The following ITGAX variants were observed in gnomAD, a reference collection of about 807,000 sequenced individuals.
ITGAX encodes integrin alpha-X.
Under a neutral mutation model 140.2 loss-of-function variants are expected in ITGAX, and 99 were observed. The ratio of observed to expected loss-of-function variants is 0.71; its 90% CI spans 0.60 to 0.83. The LOEUF is 0.83. Ranked by LOEUF, ITGAX falls within the 40% of genes least tolerant of loss-of-function variation. The pLI is 0.00. For missense variants in ITGAX, 1,444 were observed against 1,482.0 expected, an observed-to-expected ratio of 0.97 and a Z score of 0.42; for synonymous variants, 631 against 600.4, an observed-to-expected ratio of 1.05 and a Z score of -0.75.
rs762282693 is a variant in ITGAX, at chr16:31,359,680, G to A, written c.431-20G>A. On this transcript the variant is annotated intron_variant, in intron 5 of 29. Transcript: ENST00000268296. ...CTCCAGGAGTGTCACTTGGAGGACC[G>A]GTGCCACCTCCTTCCCCAGAGTGCC... The A allele has an allele frequency of 8.1e-6, 13 of 1,612,502 alleles. No individual in the cohort carries two copies. The African/African-American group carries it at 1.3e-4, about 17-fold the overall frequency.
chr16:31,360,053 T>G lies in ITGAX; in HGVS notation c.695T>G (p.Ile232Ser). The change falls in exon 7 of 30, where the codon ATC becomes AGC. Residue 232 changes from isoleucine to serine, a missense_variant. Transcript: ENST00000268296. The stretch of plus-strand genomic sequence containing the variant: ...GGGTTTACATACACGGCCACCGCCA[T>G]CCAAAATGTCGTGTGAGTCCTGATT... ...LQGFTYTATA[I>S]QNVVHRLFHA... 1 of 1,610,714 alleles carries G rather than the reference T, an allele frequency of 6.2e-7. No homozygotes were observed. The highest frequency in any genetic ancestry group is 1.1e-5 in the South Asian group (1 of 91,078).
At chr16:31,359,893 AG>A in intron 6 of ITGAX, 26 bp from the exon 7 acceptor site, 1 of 1,613,766 alleles carries the variant, frequency 6.2e-7, no homozygotes, top group East Asian at 2.2e-5. Flanking sequence ...AAATGGCCTC[AG>A]CCCCAGCCCT....
At chr16:31,381,709 A>T in intron 29 of ITGAX, 94 bp from the exon 30 acceptor site, 1 of 785,594 alleles carries the variant, frequency 1.3e-6, no homozygotes, top group East Asian at 2.5e-5. Flanking sequence ...CCTAGCAAGG[A>T]TTTCAGAAAT....
At chr16:31,366,485 T>A (rs531155519) in intron 14 of ITGAX, among the ~76,000 whole-genome samples, 47 of 152,316 alleles carry the variant, frequency 3.1e-4, no homozygotes, top group African/African-American at 1.1e-3. Flanking sequence ...TCTTTAAGTG[T>A]TCAACTGAAA....
At position 31,357,393 on chromosome 16, in the gene ITGAX, G is replaced by A. The variant is rs750617140; in HGVS notation, c.430+29G>A. 3 of 1,465,986 alleles carry A rather than the reference G, an allele frequency of 2.0e-6. No individual in the cohort carries two copies. In the South Asian group the frequency reaches 3.6e-5, roughly 18 times the overall value. 90.8% of individuals were successfully genotyped at this position (1,465,986 alleles called of 1,614,324 possible). On this transcript the variant is annotated intron_variant, in intron 5 of 29. Transcript: ENST00000268296. The stretch of plus-strand genomic sequence containing the variant: ...AGTGTCGGGACCACCAAGGCTTTGA[G>A]GAGCTCACGCACATCCAATTGGGGG...
chr16:31,355,986 A>G lies in ITGAX; in HGVS notation c.131A>G (p.Tyr44Cys), dbSNP rs201047975. ...SAGFGDSVVQ[Y>C]ANSWVVVGAP... ...GGGTTTGGAGACAGCGTGGTCCAGT[A>G]TGCCAACTCCTGGTGAGGCCCAGGT... Residue 44 changes from tyrosine (Y) to cysteine (C), a missense_variant, in exon 2 of 30, where the codon TAT becomes TGT. Physicochemically the swap from Tyr to Cys is radical, Grantham distance 194. Coordinates refer to ENST00000268296, the MANE Select transcript of ITGAX (RefSeq NM_000887.5). The G allele has an allele frequency of 1.1e-4, 171 of 1,612,372 alleles. No individual in the cohort carries two copies. Among genetic ancestry groups the G allele is most frequent in the Non-Finnish European group, 1.3e-4 (152 of 1,178,856 alleles).
intron 28 of ITGAX, 97 bp from the exon 29 acceptor site, chr16:31,380,800 G>C: frequency 1.6e-6 from 2 of 1,286,120 alleles, no homozygotes; most frequent in Non-Finnish European, 2.2e-6. Context: ...AGCAGGGCCT[G>C]GGGAAGGAGG....
rs138486533 is a variant in ITGAX, at chr16:31,355,983, A to T, written c.128A>T (p.Gln43Leu). ...GCTGGGTTTGGAGACAGCGTGGTCCAGTATGCCAACTCCTGGTGAGGCCCA... is the reference window on the plus strand; with the variant it reads ...GCTGGGTTTGGAGACAGCGTGGTCCTGTATGCCAACTCCTGGTGAGGCCCA... ...DSAGFGDSVV[Q>L]YANSWVVVGA... Residue 43 changes from glutamine (Q) to leucine (L), a missense_variant, in exon 2 of 30, where the codon CAG becomes CTG. Coordinates refer to ENST00000268296, the MANE Select transcript of ITGAX (RefSeq NM_000887.5). 6 of 1,612,550 alleles carry T rather than the reference A, an allele frequency of 3.7e-6. No individual in the cohort carries two copies. The African/African-American group carries it at 8.0e-5, about 22-fold the overall frequency.
intron 5 of ITGAX, chr16:31,357,952 G>C (rs1236353097): frequency 6.0e-6 from 1 of 166,950 alleles, no homozygotes; most frequent in Non-Finnish European, 1.3e-5. Flanking sequence ...CTTCCCTGGT[G>C]CTGATGGGGA....
At position 31,357,847 on chromosome 16, in the gene ITGAX, A is replaced by G. The variant is rs2080780399; in HGVS notation, c.430+483A>G. ...TGTGTACATGTGTGTATATGTATGC[A>G]TGTGTATACATGTGCACATGCACAC... On this transcript the variant is annotated intron_variant, in intron 5 of 29. Transcript: ENST00000268296. The G allele has an allele frequency of 1.5e-5, 5 of 332,866 alleles. No individual in the cohort carries two copies. In the South Asian group the frequency reaches 4.4e-4, roughly 29 times the overall value. 20.6% of individuals were successfully genotyped at this position (332,866 alleles called of 1,614,324 possible).
At chr16:31,359,657 C>T in intron 5 of ITGAX, 43 bp from the exon 6 acceptor site, 1 of 1,608,422 alleles carries the variant, frequency 6.2e-7, no homozygotes, top group Non-Finnish European at 8.5e-7. Flanking sequence ...GTCCTGGACT[C>T]CAGGAGTGTC....
At chr16:31,367,935 A>T (rs182133480) in intron 14 of ITGAX, among the ~76,000 whole-genome samples, 1 of 152,316 alleles carries the variant, frequency 6.6e-6, no homozygotes, top group East Asian at 1.9e-4. Flanking sequence ...GATTCATCAG[A>T]GGGGGTCAAA....
chr16:31,361,693 C>A, intron 9 of ITGAX, 143 bp from the exon 10 acceptor site: 1 of 944,118 alleles, frequency 1.1e-6, no homozygotes, highest in Non-Finnish European at 1.7e-6. Context: ...CGGAGCTGAT[C>A]TGGAGGGCAG....
At position 31,376,907 on chromosome 16, in the gene ITGAX, G is replaced by A. The variant is rs746609066; in HGVS notation, c.2617G>A (p.Gly873Ser). ...AATCAACCACCTCATCTTCCGTGGC[G>A]GCGCCCAGGTCAGCCTGGCTTCTGT... ...CRINHLIFRG[G>S]AQITFLATFD... Residue 873 changes from glycine to serine, a missense_variant, in exon 21 of 30, where the codon GGC becomes AGC. Physicochemically the swap from Gly to Ser is moderately conservative, Grantham distance 56 (BLOSUM62 0). Transcript: ENST00000268296. 8 of 1,614,062 alleles carry A rather than the reference G, an allele frequency of 5.0e-6. No homozygotes were observed. Among genetic ancestry groups the A allele is most frequent in the African/African-American group, 1.3e-5 (1 of 74,906 alleles).
At position 31,360,728 on chromosome 16, in the gene ITGAX, C is replaced by T. The variant is rs2080815001; in HGVS notation, c.861+265C>T. ...ATGGGGTCTTGCTATGTTGCCCAGG[C>T]TGGTCTCAAATTCCTGGCCTTAAGC... On this transcript the variant is annotated intron_variant, in intron 8 of 29. Coordinates refer to ENST00000268296, the MANE Select transcript of ITGAX (RefSeq NM_000887.5). The T allele has an allele frequency of 5.8e-6, 3 of 516,146 alleles. No homozygotes were observed. The East Asian group carries it at 1.0e-4, about 18-fold the overall frequency. The allele number at this position is 516,146 out of a possible 1,614,324, so 32.0% of individuals were successfully genotyped here.
chr16:31,359,594 C>G (rs2080798888), intron 5 of ITGAX, 106 bp from the exon 6 acceptor site: 9 of 1,364,770 alleles, frequency 6.6e-6, no homozygotes, highest in African/African-American at 1.4e-5. Context: ...AGACTAGGGG[C>G]TTAGGGGAGG....
chr16:31,377,616 C>T (rs968104177), intron 23 of ITGAX, among the ~76,000 whole-genome samples: 6 of 152,332 alleles, frequency 3.9e-5, no homozygotes, highest in Admixed American at 3.3e-4. Context: ...CACCTGCATG[C>T]GTGGAGGCTC....
intron 14 of ITGAX, among the ~76,000 whole-genome samples, chr16:31,363,949 T>C (rs2080865449): frequency 1.3e-5 from 2 of 152,224 alleles, no homozygotes; most frequent in African/African-American, 4.8e-5. Flanking sequence ...TCCAGTCATT[T>C]CAACCTTCCC....
rs371825879 is a variant in ITGAX, at chr16:31,364,896, G to A, written c.1710+1522G>A. Among the ~76,000 whole-genome samples, 68 of 151,758 alleles carry A rather than the reference G, an allele frequency of 4.5e-4. No individual in the cohort carries two copies. In the East Asian group the frequency reaches 0.01, roughly 23 times the overall value. On this transcript the variant is annotated intron_variant, in intron 14 of 29. Coordinates refer to ENST00000268296, the MANE Select transcript of ITGAX (RefSeq NM_000887.5). ...TAGCTGGGCATGGTGGTGGGTGCCTGTAATCCCAGCTACTTGGGAGGCTGA... is the reference window on the plus strand; with the variant it reads ...TAGCTGGGCATGGTGGTGGGTGCCTATAATCCCAGCTACTTGGGAGGCTGA...
Sources: allele counts gnomAD v4.1 joint callset (sites outside exome capture counted in the v4.1 genomes callset), GRCh38; gene constraint gnomAD v4.1.1; transcripts MANE v1.5; gene names NCBI Gene and HGNC (gene_info 2026-07-23, HGNC 2026-07-21).